The following HOXA3 variants were observed in gnomAD, a reference collection of about 807,000 sequenced individuals.
HOXA3 encodes homeobox A3.
In HOXA3, 8 loss-of-function variants were observed where a neutral mutation model predicts 30.3. The observed-to-expected ratio is 0.26, with a 90% CI of 0.15 to 0.48. The LOEUF (loss-of-function observed/expected upper bound fraction) is 0.48. HOXA3 is among the 20% of genes least tolerant of loss of function. The pLI, the probability that HOXA3 is intolerant of heterozygous loss-of-function variation, is 0.99. For synonymous variants in HOXA3, 323 were observed against 273.1 expected (o/e 1.18, Z -1.80); for missense variants, 653 against 614.4 (o/e 1.06, Z -0.66).
intron 1 of HOXA3, chr7:27,151,464 T>G (rs910745631): frequency 6.4e-5 from 25 of 393,544 alleles, no homozygotes; most frequent in African/African-American, 5.2e-4. Flanking sequence ...GCGTCCTTCC[T>G]TCAACCTTAG....
intron 2 of HOXA3, among the ~76,000 whole-genome samples, chr7:27,138,282 G>A (rs1313119387): frequency 2.6e-5 from 4 of 152,098 alleles, no homozygotes; most frequent in Admixed American, 2.6e-4. Flanking sequence ...GGAGGGTTTT[G>A]ATTTTTCAAA....
chr7:27,147,700 C>A (rs1186921297), intron 1 of HOXA3: 13 of 1,612,966 alleles, frequency 8.1e-6, no homozygotes, highest in East Asian at 4.5e-5. Flanking sequence ...GGAGTCCTGG[C>A]CGCTGGGAAG....
chr7:27,129,905 C>T (rs893553015), intron 2 of HOXA3: 49 of 622,934 alleles, frequency 7.9e-5, no homozygotes, highest in South Asian at 3.5e-4. Context: ...TCGTAAATCT[C>T]CTGATAAAGG....
chr7:27,147,812 G>A (rs1782832276), intron 1 of HOXA3: 1 of 1,412,652 alleles, frequency 7.1e-7, no homozygotes, highest in African/African-American at 1.4e-5. Flanking sequence ...ATAACTATTA[G>A]TAGTCATCGA....
intron 1 of HOXA3, chr7:27,140,915 T>C (rs1192085311): frequency 6.6e-6 from 1 of 152,232 alleles, no homozygotes; most frequent in Non-Finnish European, 1.5e-5. Flanking sequence ...AGGGAAGCGA[T>C]GGGACAGTGT....
intron 4 of HOXA3, 27 bp from the exon 5 acceptor site, chr7:27,110,787 T>C: frequency 8.2e-7 from 1 of 1,222,786 alleles, no homozygotes; most frequent in Non-Finnish European, 1.1e-6. Flanking sequence ...CGCAGCGCGG[T>C]GAGGGCTCCG....
intron 3 of HOXA3, chr7:27,123,475 C>A (rs1201349720): frequency 6.5e-6 from 1 of 152,974 alleles, no homozygotes; most frequent in Admixed American, 6.5e-5. Context: ...GGTCACCGAG[C>A]CGGCAGTCAG....
intron 3 of HOXA3, among the ~76,000 whole-genome samples, chr7:27,126,283 C>T (rs1174777325): frequency 6.6e-6 from 1 of 152,094 alleles, no homozygotes; most frequent in Non-Finnish European, 1.5e-5. Context: ...GAGTCATGCA[C>T]AACTTGGCTC....
At chr7:27,114,879 ATG>A (rs1784627004) in intron 4 of HOXA3, among the ~76,000 whole-genome samples, 1 of 103,666 alleles carries the variant, frequency 9.6e-6, no homozygotes, top group Admixed American at 1.1e-4. Flanking sequence ...TATTATATAT[ATG>A]TATATACATA....
chr7:27,112,479 A>G (rs75223624), intron 4 of HOXA3, among the ~76,000 whole-genome samples: 237 of 152,374 alleles, frequency 1.6e-3, no homozygotes, highest in African/African-American at 5.5e-3. Flanking sequence ...ACCTCGATTA[A>G]AAATTACAGC....
At chr7:27,142,608 T>C in intron 1 of HOXA3, 1 of 190,426 alleles carries the variant, frequency 5.3e-6, no homozygotes, top group South Asian at 1.6e-4. Context: ...CCTCGATTCT[T>C]TCCCCCAAGC....
chr7:27,145,736 C>A, intron 1 of HOXA3: 1 of 1,614,232 alleles, frequency 6.2e-7, no homozygotes, highest in Non-Finnish European at 8.5e-7. Flanking sequence ...TTTTCCACTT[C>A]ATGCGGCGGT....
intron 3 of HOXA3, chr7:27,124,703 A>C (rs958846117): frequency 1.3e-5 from 2 of 152,158 alleles, no homozygotes; most frequent in African/African-American, 4.8e-5. Context: ...TTATTTAATG[A>C]GTCACGTGAC....
chr7:27,136,779 T>C (rs1785727650), intron 2 of HOXA3, among the ~76,000 whole-genome samples: 1 of 152,086 alleles, frequency 6.6e-6, no homozygotes, highest in Admixed American at 6.5e-5. Flanking sequence ...GGGGACCTGG[T>C]GGGAGAACAA....
intron 4 of HOXA3, chr7:27,121,253 G>GTGTGTA (rs1785000183): frequency 2.0e-5 from 3 of 149,098 alleles, no homozygotes; most frequent in Non-Finnish European, 3.0e-5. Flanking sequence ...GTGTGTGTGT[G>GTGTGTA]TGTGTGTGTA....
intron 1 of HOXA3, chr7:27,145,473 T>G: frequency 1.3e-6 from 1 of 746,530 alleles, no homozygotes. Flanking sequence ...TTTTGTTTTG[T>G]TTTGTTTTGT....
intron 1 of HOXA3, chr7:27,147,741 G>C: frequency 6.2e-7 from 1 of 1,606,634 alleles, no homozygotes. Flanking sequence ...TCACAAAATA[G>C]GAACTCATTT....
intron 4 of HOXA3, chr7:27,116,755 T>G (rs1010672860): frequency 2.0e-5 from 3 of 152,202 alleles, no homozygotes; most frequent in Non-Finnish European, 2.9e-5. Context: ...AGGTCATAAA[T>G]CATATGAAAT....
intron 2 of HOXA3, chr7:27,130,444 T>C: frequency 8.3e-7 from 1 of 1,209,076 alleles, no homozygotes; most frequent in Non-Finnish European, 1.0e-6. Flanking sequence ...GTAGGCGGTG[T>C]CCGCGGCCCC....
Sources: allele counts gnomAD v4.1 joint callset (sites outside exome capture counted in the v4.1 genomes callset), GRCh38; gene constraint gnomAD v4.1.1; transcripts MANE v1.5; gene names NCBI Gene and HGNC (gene_info 2026-07-23, HGNC 2026-07-21).